The following TMEM163 variants were observed in gnomAD, a reference collection of about 807,000 sequenced individuals.
The protein encoded by TMEM163 is transmembrane protein 163.
Under a neutral mutation model 29.3 loss-of-function variants are expected in TMEM163, and 17 were observed. The ratio of observed to expected loss-of-function variants is 0.58; its 90% CI spans 0.40 to 0.87. TMEM163 has a LOEUF of 0.87. Ranked by LOEUF, TMEM163 falls within the 40% of genes least tolerant of loss-of-function variation. TMEM163 has a pLI of 0.00. For missense variants in TMEM163, 303 were observed against 381.5 expected, an observed-to-expected ratio of 0.79 and a Z score of 1.71; for synonymous variants, 157 against 160.6, an observed-to-expected ratio of 0.98 and a Z score of 0.17.
intron 2 of TMEM163, among the ~76,000 whole-genome samples, chr2:134,701,739 A>G (rs1181522090): frequency 6.6e-6 from 1 of 151,890 alleles, no homozygotes; most frequent in Non-Finnish European, 1.5e-5. Flanking sequence ...CCAACACGGT[A>G]AAACCCCATC....
intron 5 of TMEM163, among the ~76,000 whole-genome samples, chr2:134,489,930 T>A (rs987190045): frequency 2.0e-5 from 3 of 152,236 alleles, no homozygotes; most frequent in Non-Finnish European, 4.4e-5. Context: ...CCTGGTTATA[T>A]CCCTTTCCTA....
chr2:134,483,155 C>G (rs1309633216), intron 5 of TMEM163, among the ~76,000 whole-genome samples: 1 of 152,156 alleles, frequency 6.6e-6, no homozygotes, highest in Non-Finnish European at 1.5e-5. Flanking sequence ...AGCTTCTGGT[C>G]AAGGAAGCAC....
intron 5 of TMEM163, among the ~76,000 whole-genome samples, chr2:134,489,871 C>A (rs1341564206): frequency 1.3e-5 from 2 of 152,228 alleles, no homozygotes; most frequent in Non-Finnish European, 2.9e-5. Flanking sequence ...ATGTCCACAG[C>A]AAGGTCCCAG....
intron 2 of TMEM163, among the ~76,000 whole-genome samples, chr2:134,633,167 A>G (rs1422656937): frequency 6.6e-6 from 1 of 152,138 alleles, no homozygotes; most frequent in Non-Finnish European, 1.5e-5. Context: ...ATCTGGTTAA[A>G]AGGAGAGAGT....
At chr2:134,589,877 A>G (rs763771130) in intron 2 of TMEM163, among the ~76,000 whole-genome samples, 5 of 152,184 alleles carry the variant, frequency 3.3e-5, no homozygotes, top group Non-Finnish European at 7.4e-5. Flanking sequence ...AGAATGACCC[A>G]TTGAGCACTC....
chr2:134,584,538 G>T (rs1342663743), intron 2 of TMEM163, among the ~76,000 whole-genome samples: 2 of 151,764 alleles, frequency 1.3e-5, no homozygotes, highest in Non-Finnish European at 2.9e-5. Context: ...TAAGTTCCAG[G>T]CAAGGCACAA....
At chr2:134,480,944 C>A (rs1031789529) in intron 5 of TMEM163, among the ~76,000 whole-genome samples, 3 of 152,162 alleles carry the variant, frequency 2.0e-5, no homozygotes, top group African/African-American at 7.2e-5. Flanking sequence ...TAACCATCTG[C>A]AAAACAAAAC....
chr2:134,507,276 C>T (rs1413037011), intron 4 of TMEM163, among the ~76,000 whole-genome samples: 1 of 151,778 alleles, frequency 6.6e-6, no homozygotes, highest in Non-Finnish European at 1.5e-5. Context: ...GAGGTGGTTG[C>T]AGTAAGCTGA....
chr2:134,522,789 C>A (rs1255479664), intron 4 of TMEM163, among the ~76,000 whole-genome samples: 1 of 152,240 alleles, frequency 6.6e-6, no homozygotes, highest in Non-Finnish European at 1.5e-5. Context: ...GTTACAAGTA[C>A]CCCATTTTTC....
At chr2:134,571,596 G>A (rs2104785585) in intron 2 of TMEM163, among the ~76,000 whole-genome samples, 1 of 152,290 alleles carries the variant, frequency 6.6e-6, no homozygotes, top group East Asian at 1.9e-4. Flanking sequence ...ACAGGACTCA[G>A]CATATAGTCA....
In TMEM163 at chr2:134,510,023, A is replaced by G. The variant is rs185992540; in HGVS notation, c.459-7026T>C. 1.8e-3 allele frequency among the ~76,000 whole-genome samples: 275 copies of G among 152,326 alleles called. 1 individual carries two copies. Among genetic ancestry groups the G allele is most frequent in the Middle Eastern group, 6.8e-3 (2 of 294 alleles). Reference sequence around the variant, plus strand: ...TGCTGTTCCTGGAGCATTTGGCCCCAGGGGAGCAGCAATGCAGTGGCCACA... The same window carrying G: ...TGCTGTTCCTGGAGCATTTGGCCCCGGGGGAGCAGCAATGCAGTGGCCACA... On this transcript the variant is annotated intron_variant, in intron 4 of 7. Coordinates refer to ENST00000281924, the MANE Select transcript of TMEM163 (RefSeq NM_030923.5).
intron 2 of TMEM163, among the ~76,000 whole-genome samples, chr2:134,602,971 A>C (rs1682269257): frequency 6.6e-6 from 1 of 152,092 alleles, no homozygotes; most frequent in South Asian, 2.1e-4. Flanking sequence ...TATTGGACAT[A>C]TCTGCCTTTG....
intron 2 of TMEM163, among the ~76,000 whole-genome samples, chr2:134,573,811 A>G (rs1681488155): frequency 6.6e-6 from 1 of 152,234 alleles, no homozygotes; most frequent in South Asian, 2.1e-4. Flanking sequence ...GCATTCTGCA[A>G]CACTTCAAAT....
chr2:134,696,301 A>T (rs115830091), intron 2 of TMEM163, among the ~76,000 whole-genome samples: 2,643 of 152,264 alleles, frequency 0.017, 67 homozygotes, highest in African/African-American at 0.06. Context: ...TTGTTCCTAA[A>T]AATATCACAA....
intron 5 of TMEM163, among the ~76,000 whole-genome samples, chr2:134,496,225 C>A (rs948087852): frequency 1.4e-4 from 22 of 152,214 alleles, no homozygotes; most frequent in African/African-American, 5.1e-4. Context: ...CCACGCCCAG[C>A]TAATTTTTGT....
intron 5 of TMEM163, among the ~76,000 whole-genome samples, chr2:134,486,019 T>C (rs1679298558): frequency 6.6e-6 from 1 of 152,110 alleles, no homozygotes; most frequent in African/African-American, 2.4e-5. Context: ...ATCTGAACTC[T>C]CAGATTTATA....
intron 2 of TMEM163, among the ~76,000 whole-genome samples, chr2:134,663,073 C>A (rs1683791290): frequency 6.6e-6 from 1 of 152,158 alleles, no homozygotes; most frequent in African/African-American, 2.4e-5. Context: ...GTGTGATCAA[C>A]CCTCTATCAT....
chr2:134,538,239 C>T (rs563457257), intron 4 of TMEM163, among the ~76,000 whole-genome samples: 7 of 152,222 alleles, frequency 4.6e-5, no homozygotes, highest in Non-Finnish European at 8.8e-5. Flanking sequence ...AAAAGAGGCC[C>T]GAGAGCTGCC....
intron 5 of TMEM163, among the ~76,000 whole-genome samples, chr2:134,474,170 G>A (rs753560421): frequency 1.3e-5 from 2 of 152,110 alleles, no homozygotes; most frequent in African/African-American, 2.4e-5. Context: ...ATGACCAAAC[G>A]GGGTTTATCC....
Sources: allele counts gnomAD v4.1 joint callset (sites outside exome capture counted in the v4.1 genomes callset), GRCh38; gene constraint gnomAD v4.1.1; transcripts MANE v1.5; gene names NCBI Gene and HGNC (gene_info 2026-07-23, HGNC 2026-07-21).